The following LMF1 variants were observed in gnomAD, a reference collection of about 807,000 sequenced individuals.
LMF1 encodes transmembrane protein 112.
In LMF1, 68 loss-of-function variants were observed where a neutral mutation model predicts 60.6. That is an observed-to-expected ratio of 1.12 (90% CI 0.92 to 1.37). The LOEUF (loss-of-function observed/expected upper bound fraction) is 1.37, where lower values mean the gene tolerates loss of function less well. Among genes scored for constraint, LMF1 ranks in the 40% most tolerant of loss-of-function variants. LMF1 has a pLI of 0.00. For synonymous variants in LMF1, 418 were observed against 324.7 expected (o/e 1.29, Z -3.09); for missense variants, 948 against 767.2 (o/e 1.24, Z -2.78).
intron 6 of LMF1, chr16:871,622 C>T (rs969427491): frequency 1.8e-5 from 8 of 433,246 alleles, no homozygotes; most frequent in Admixed American, 7.6e-5. Context: ...ATCCGCAAGG[C>T]GGGGGCTGGA....
At chr16:901,485 G>C (rs1454637372) in intron 4 of LMF1, 1 of 152,244 alleles carries the variant, frequency 6.6e-6, no homozygotes, top group Non-Finnish European at 1.5e-5. Flanking sequence ...GAAAGAAAGG[G>C]GAAATTATTT....
Position 897,159 on chromosome 16 carries a change from TCTC to T in LMF1, c.664-4090_664-4088del, listed in dbSNP as rs1219738929. On this transcript the variant is annotated intron_variant, in intron 4 of 10. Transcript: ENST00000262301. The surrounding 1 kb of genome is among the most constrained non-coding windows in gnomAD (Gnocchi z 4.3). ...TGCAACGTGTGGCTGCAGCAGCTCT[TCTC>T]CTGATGCCTGTGTGTCCTGGGACAC... 2.0e-5 allele frequency among the ~76,000 whole-genome samples: 3 copies of T among 152,206 alleles called. No homozygotes were observed. Among genetic ancestry groups the T allele is most frequent in the East Asian group, 3.8e-4 (2 of 5,200 alleles).
At chr16:856,430 G>A (rs969355086) in intron 10 of LMF1, among the ~76,000 whole-genome samples, 2 of 152,192 alleles carry the variant, frequency 1.3e-5, no homozygotes, top group Non-Finnish European at 2.9e-5. Context: ...ACACTCTCCT[G>A]GGCCTTGCTA....
At chr16:924,990 C>CG (rs1330064485) in intron 3 of LMF1, among the ~76,000 whole-genome samples, 3 of 152,104 alleles carry the variant, frequency 2.0e-5, no homozygotes, top group East Asian at 1.9e-4. Flanking sequence ...CAGCCGGCAG[C>CG]GGGGGGTGGA....
At chr16:856,523 C>T (rs1046980888) in intron 10 of LMF1, among the ~76,000 whole-genome samples, 1 of 152,206 alleles carries the variant, frequency 6.6e-6, no homozygotes, top group Non-Finnish European at 1.5e-5. Flanking sequence ...CCTGGGAAGG[C>T]CTCCTGCAGT....
At chr16:882,654 G>A (rs1194946544) in intron 5 of LMF1, among the ~76,000 whole-genome samples, 3 of 152,110 alleles carry the variant, frequency 2.0e-5, no homozygotes, top group African/African-American at 7.2e-5. Flanking sequence ...GCCCAGCAGA[G>A]GCCATCACAG....
intron 5 of LMF1, among the ~76,000 whole-genome samples, 184 bp from the exon 6 acceptor site, chr16:879,921 G>A (rs572989638): frequency 1.3e-5 from 2 of 152,332 alleles, no homozygotes; most frequent in Admixed American, 6.5e-5. Context: ...GACATTCAGG[G>A]AGCTTTTGAA....
chr16:870,992 G>T lies in LMF1; in HGVS notation c.1079-110C>A, dbSNP rs558091693. The T allele has an allele frequency of 1.1e-4, 153 of 1,444,324 alleles. 2 individuals carry two copies. The East Asian group carries it at 3.3e-3, about 32-fold the overall frequency. The allele number at this position is 1,444,324 out of a possible 1,614,324, so 89.5% of individuals were successfully genotyped here. ...AGGGTCAGCTGTCCTGGGTCCCGGG[G>T]ACGGAGCAGCACCCGAACTCACACA... On this transcript the variant is annotated intron_variant, in intron 7 of 10. Coordinates refer to ENST00000262301, the MANE Select transcript of LMF1 (RefSeq NM_022773.4).
At chr16:932,172 T>C (rs957933969) in intron 3 of LMF1, among the ~76,000 whole-genome samples, 12 of 152,242 alleles carry the variant, frequency 7.9e-5, no homozygotes, top group African/African-American at 2.6e-4. Flanking sequence ...CCCCAGGCAC[T>C]TCCCCCCCAC....
intron 2 of LMF1, among the ~76,000 whole-genome samples, chr16:949,972 G>C (rs1209772837): frequency 7.0e-6 from 1 of 143,050 alleles, no homozygotes; most frequent in Non-Finnish European, 1.5e-5. Flanking sequence ...AGACGACAGA[G>C]TCAGAGCCAA....
chr16:973,767 G>A (rs574417321), upstream of LMF1, among the ~76,000 whole-genome samples: 8 of 152,322 alleles, frequency 5.3e-5, no homozygotes, highest in Admixed American at 1.3e-4. Context: ...TTGGGAGGCC[G>A]AGGCGGGTGG....
Position 897,239 on chromosome 16 carries a change from C to A in LMF1, c.664-4167G>T, listed in dbSNP as rs147037264. Among the ~76,000 whole-genome samples, 23 of 152,310 alleles carry A rather than the reference C, an allele frequency of 1.5e-4. 1 individual carries two copies. The East Asian group carries it at 4.2e-3, about 28-fold the overall frequency. ...CTCGAAGTGTCTTGACGGTCGTATG[C>A]GGAGAAGGAGACACTCTGTGGAGAC... On this transcript the variant is annotated intron_variant, in intron 4 of 10. Transcript: ENST00000262301. This position sits in a 1 kb window ranked among gnomAD's most constrained non-coding sequence, Gnocchi z 4.3.
At position 889,390 on chromosome 16, in the gene LMF1, GTGGGTGTGAGGCTGTGGATGGCCA is replaced by G. The variant is rs547322860; in HGVS notation, c.729+3593_729+3616del. Among the ~76,000 whole-genome samples the G allele has an allele frequency of 9.3e-3, 1,375 of 147,758 alleles. 22 individuals carry two copies. The highest frequency in any genetic ancestry group is 0.034 in the African/African-American group (1,297 of 38,616). On this transcript the variant is annotated intron_variant, in intron 5 of 10. Coordinates refer to ENST00000262301, the MANE Select transcript of LMF1 (RefSeq NM_022773.4). ...CATGGGTGTGAGGCTGCGGATGGCC[GTGGGTGTGAGGCTGTGGATGGCCA>G]TGGTGGAGCAGTTCCTTCTGGGGAG...
intron 3 of LMF1, among the ~76,000 whole-genome samples, chr16:915,025 A>T (rs1428398201): frequency 6.6e-6 from 1 of 152,210 alleles, no homozygotes. Flanking sequence ...CTGGCCCAGG[A>T]GGGGCATCCC....
chr16:886,604 G>GC (rs1330626234), intron 5 of LMF1, among the ~76,000 whole-genome samples: 173 of 10,536 alleles, frequency 0.016, 20 homozygotes, highest in East Asian at 0.077. Context: ...CCCACCCTAG[G>GC]CCCCCGGCGT....
At chr16:876,563 C>T (rs2069986136) in intron 6 of LMF1, among the ~76,000 whole-genome samples, 1 of 152,144 alleles carries the variant, frequency 6.6e-6, no homozygotes, top group African/African-American at 2.4e-5. Context: ...GATAAGGGAA[C>T]CTTTGTAGTC....
intron 1 of LMF1, among the ~76,000 whole-genome samples, chr16:965,847 G>T (rs2072912612): frequency 6.6e-6 from 1 of 152,140 alleles, no homozygotes; most frequent in Non-Finnish European, 1.5e-5. Context: ...AGCCCTGGTA[G>T]AGACCACCTG....
intron 3 of LMF1, among the ~76,000 whole-genome samples, chr16:932,339 AAC>A (rs950756648): frequency 6.6e-6 from 1 of 152,116 alleles, no homozygotes; most frequent in Non-Finnish European, 1.5e-5. Flanking sequence ...TCTCACAGGG[AAC>A]ACACAAGCCT....
chr16:878,281 G>T lies in LMF1; in HGVS notation c.897+1289C>A, dbSNP rs1596884344. Among the ~76,000 whole-genome samples, 2 of 152,054 alleles carry T rather than the reference G, an allele frequency of 1.3e-5. No homozygotes were observed. The highest frequency in any genetic ancestry group is 2.9e-5 in the Non-Finnish European group (2 of 68,012). On this transcript the variant is annotated intron_variant, in intron 6 of 10. Transcript: ENST00000262301. This position sits in a 1 kb window ranked among gnomAD's most constrained non-coding sequence, Gnocchi z 5.2. ...TCCCACTTAGATTCACGGCGACATC[G>T]ATGCCCACAGGGAAATCACCTGATG...
Sources: allele counts gnomAD v4.1 joint callset (sites outside exome capture counted in the v4.1 genomes callset), GRCh38; gene constraint gnomAD v4.1.1; non-coding constraint Gnocchi (gnomAD v3.1); transcripts MANE v1.5; gene names NCBI Gene and HGNC (gene_info 2026-07-23, HGNC 2026-07-21).